The following C6 variants were observed in gnomAD, a reference collection of about 807,000 sequenced individuals.
C6 encodes complement component C6.
Under a neutral mutation model 112.9 loss-of-function variants are expected in C6, and 101 were observed. The observed-to-expected ratio is 0.89, with a 90% CI of 0.76 to 1.06. The LOEUF (loss-of-function observed/expected upper bound fraction) is 1.06, where lower values mean the gene tolerates loss of function less well. Ranked by LOEUF, C6 falls within the 50% of genes least tolerant of loss-of-function variation. C6 has a pLI of 0.00. For synonymous variants in C6, 431 were observed against 384.1 expected (o/e 1.12, Z -1.43); for missense variants, 1,202 against 1,104.6 (o/e 1.09, Z -1.25).
intron 1 of C6, among the ~76,000 whole-genome samples, chr5:41,241,837 G>C (rs1249099907): frequency 6.6e-6 from 1 of 152,144 alleles, no homozygotes; most frequent in Non-Finnish European, 1.5e-5. Context: ...ACTTAGGTAG[G>C]ACAGAACATT....
chr5:41,252,202 T>G (rs1314056805), intron 1 of C6, among the ~76,000 whole-genome samples: 1 of 152,234 alleles, frequency 6.6e-6, no homozygotes, highest in Non-Finnish European at 1.5e-5. Flanking sequence ...GCATGAGCAT[T>G]GTGTATTCAA....
rs200772516 is a variant in C6, at chr5:41,239,112, T to TTTC, written c.-21+22081_-21+22082insGAA. On this transcript the variant is annotated intron_variant, in intron 1 of 17. Transcript: ENST00000263413. ...TTTATAATTTCTTTTCTTTTCTTTC[T>TTTC]TTTTTTTTTTTTTTTTTGAGACGGA... Among the ~76,000 whole-genome samples, 99 of 31,486 alleles carry TTTC rather than the reference T, an allele frequency of 3.1e-3. 1 individual carries two copies. Among genetic ancestry groups the TTTC allele is most frequent in the African/African-American group, 8.2e-3 (96 of 11,778 alleles). 20.7% of individuals were successfully genotyped at this position (31,486 alleles called of 152,430 possible).
intron 17 of C6, among the ~76,000 whole-genome samples, chr5:41,143,488 C>T (rs933313841): frequency 3.9e-5 from 6 of 152,232 alleles, no homozygotes; most frequent in Non-Finnish European, 8.8e-5. Flanking sequence ...CATTGCCTAA[C>T]TACATTCATC....
Position 41,161,684 on chromosome 5 carries a change from T to C in C6, c.1458+9A>G, listed in dbSNP as rs373783505. ...TAGATCTCTTACCTGGAATAATTTTTACTCTTACCTCAAAGTCAATCACAG... is the reference window on the plus strand; with the variant it reads ...TAGATCTCTTACCTGGAATAATTTTCACTCTTACCTCAAAGTCAATCACAG... On this transcript the variant is annotated intron_variant, in intron 10 of 17. Coordinates refer to ENST00000337836, the MANE Select transcript of C6 (RefSeq NM_000065.5). 7 of 1,611,652 alleles carry C rather than the reference T, an allele frequency of 4.3e-6. No homozygotes were observed. In the African/African-American group the frequency reaches 8.0e-5, roughly 18 times the overall value.
intron 7 of C6, among the ~76,000 whole-genome samples, 175 bp downstream of exon 7, chr5:41,181,184 A>T (rs895755628): frequency 2.0e-5 from 3 of 152,174 alleles, no homozygotes; most frequent in Admixed American, 6.5e-5. Flanking sequence ...ATTAATATAC[A>T]TAATATTTCT....
chr5:41,211,108 A>G (rs1751881432), intron 1 of C6, among the ~76,000 whole-genome samples: 1 of 152,168 alleles, frequency 6.6e-6, no homozygotes, highest in Non-Finnish European at 1.5e-5. Context: ...GAAGTTGGAA[A>G]CCATCATTTT....
At position 41,142,793 on chromosome 5, in the gene C6, T is replaced by A; in HGVS notation, c.*32A>T. On this transcript the variant is annotated 3_prime_UTR_variant, in exon 18 of 18. Coordinates refer to ENST00000337836, the MANE Select transcript of C6 (RefSeq NM_000065.5). Reference sequence around the variant, plus strand: ...AGTTGGTTCTTCGGGATGGTAAATCTGTTCATTGTGCTGGGCCTAGCAGTA... The same window carrying A: ...AGTTGGTTCTTCGGGATGGTAAATCAGTTCATTGTGCTGGGCCTAGCAGTA... 1 of 1,552,454 alleles carries A rather than the reference T, an allele frequency of 6.4e-7. No individual in the cohort carries two copies. The highest frequency in any genetic ancestry group is 8.9e-7 in the Non-Finnish European group (1 of 1,124,294).
intron 1 of C6, among the ~76,000 whole-genome samples, chr5:41,208,689 A>C (rs1195037894): frequency 6.6e-6 from 1 of 152,242 alleles, no homozygotes; most frequent in Non-Finnish European, 1.5e-5. Context: ...TGAATCCCTG[A>C]ATAAACCAAT....
intron 15 of C6, among the ~76,000 whole-genome samples, chr5:41,151,612 G>T (rs1746399972): frequency 6.6e-6 from 1 of 152,114 alleles, no homozygotes; most frequent in Non-Finnish European, 1.5e-5. Flanking sequence ...TTTGTCTATG[G>T]GGGAATCACT....
intron 1 of C6, among the ~76,000 whole-genome samples, chr5:41,259,700 T>C (rs761782808): frequency 1.2e-4 from 18 of 152,144 alleles, no homozygotes; most frequent in South Asian, 2.1e-4. Flanking sequence ...TAGGAAGAGG[T>C]TTCTGTTTCC....
At chr5:41,190,212 A>C (rs374412798) in intron 5 of C6, among the ~76,000 whole-genome samples, 1 of 152,208 alleles carries the variant, frequency 6.6e-6, no homozygotes, top group African/African-American at 2.4e-5. Context: ...GAGCTACATT[A>C]GTTTACATTC....
upstream of C6, among the ~76,000 whole-genome samples, chr5:41,215,085 T>C (rs1752151149): frequency 6.6e-6 from 1 of 152,168 alleles, no homozygotes; most frequent in African/African-American, 2.4e-5. Context: ...CATATCTCAC[T>C]CATGAGTCCT....
At chr5:41,224,166 AC>A (rs1287098108) in intron 1 of C6, among the ~76,000 whole-genome samples, 20 of 152,166 alleles carry the variant, frequency 1.3e-4, no homozygotes, top group African/African-American at 4.8e-4. Context: ...TCACATACTT[AC>A]CATTTTGTTT....
intron 17 of C6, among the ~76,000 whole-genome samples, chr5:41,147,163 A>T (rs983591489): frequency 6.6e-6 from 1 of 152,216 alleles, no homozygotes; most frequent in Non-Finnish European, 1.5e-5. Context: ...AATAAAAATG[A>T]TGTTGTATAA....
chr5:41,174,823 G>T (rs1172500471), intron 8 of C6, among the ~76,000 whole-genome samples: 2 of 152,134 alleles, frequency 1.3e-5, no homozygotes, highest in Non-Finnish European at 2.9e-5. Context: ...ATGAGGTAAA[G>T]GGAGAGAGAA....
At chr5:41,242,255 C>A (rs553944978) in intron 1 of C6, among the ~76,000 whole-genome samples, 10 of 152,240 alleles carry the variant, frequency 6.6e-5, no homozygotes, top group African/African-American at 2.2e-4. Context: ...TTTCCCCCAT[C>A]GTGTTCTCAT....
intron 17 of C6, among the ~76,000 whole-genome samples, chr5:41,148,112 T>G (rs1013599719): frequency 6.6e-6 from 1 of 152,230 alleles, no homozygotes; most frequent in Non-Finnish European, 1.5e-5. Context: ...AAGCTATATC[T>G]GAAGGATGTA....
rs1280426537 is a variant in C6 at position 41,160,244 on chromosome 5, T to C, written c.1582A>G (p.Asn528Asp). ...FDPCQCAPCP[N>D]NGRPTLSGTE... ...CCTGAGAGGGTGGGTCGGCCATTAT[T>C]AGGGCATGGAGCACACTGGCAAGGA... is the stretch of plus-strand genomic sequence containing the variant. The change falls in exon 11 of 18, where the codon AAT (asparagine) becomes GAT (aspartate). Residue 528 changes from asparagine (N) to aspartate (D), a missense_variant. By Grantham distance (23) the Asn-to-Asp change is conservative. Transcript: ENST00000337836. The C allele has an allele frequency of 6.2e-7, 1 of 1,613,776 alleles. No homozygotes were observed. Among genetic ancestry groups the C allele is most frequent in the South Asian group, 1.1e-5 (1 of 91,082 alleles).
intron 8 of C6, among the ~76,000 whole-genome samples, chr5:41,174,499 A>G (rs1261722347): frequency 6.6e-6 from 1 of 152,210 alleles, no homozygotes; most frequent in Non-Finnish European, 1.5e-5. Context: ...GGAGTTTAAA[A>G]TTATCCTCTT....
Sources: gnomAD v4.1 joint callset for allele counts (sites outside exome capture counted in the v4.1 genomes callset) on GRCh38, gnomAD v4.1.1 for gene constraint, MANE v1.5 for transcripts, NCBI Gene and HGNC (gene_info 2026-07-23, HGNC 2026-07-21) for gene names.